The following USP32 variants were observed in gnomAD, a reference collection of about 807,000 sequenced individuals.
The protein encoded by USP32 is ubiquitin specific peptidase 32.
USP32 carries 59 observed loss-of-function variants against 204.8 expected under a neutral mutation model. The observed-to-expected ratio is 0.29, with a 90% CI of 0.23 to 0.36. USP32 has a LOEUF of 0.36. Ranked by LOEUF, USP32 falls within the 10% of genes least tolerant of loss-of-function variation. The pLI is 1.00. For synonymous variants in USP32, 517 were observed against 678.4 expected (o/e 0.76, Z 3.70); for missense variants, 1,160 against 1,946.4 (o/e 0.60, Z 7.60).
rs761770601 is a variant in USP32 at position 60,181,336 on chromosome 17, T to C, written c.4536A>G (p.Leu1512=). The change falls in exon 32 of 34, where the codon CTA becomes CTG. Residue 1512 remains leucine, a synonymous_variant. Transcript: ENST00000300896. ...ATAAACCACTTACCGAAATTGCATA[T>C]AGATTATAAATAGGCTTAATACGAG... ...EDTRIKPIYN[L]YAISCHSGIL... is the part of the protein sequence containing the mutation. The C allele has an allele frequency of 1.9e-6, 3 of 1,609,762 alleles. No individual in the cohort carries two copies. The highest frequency in any genetic ancestry group is 2.2e-5 in the South Asian group (2 of 90,890).
chr17:60,391,981 G>GCCCCCCCCC lies in USP32; in HGVS notation c.-43_-42insGGGGGGGGG. Reference sequence around the variant, plus strand: ...CGGCGGGGGGTCGGAGCCTGATCTCGCCCCCACCCCCCTCCCGCCTTCTCC... The same window carrying GCCCCCCCCC: ...CGGCGGGGGGTCGGAGCCTGATCTCGCCCCCCCCCCCCCCACCCCCCTCCCGCCTTCTCC... On this transcript the variant is annotated 5_prime_UTR_variant, in exon 1 of 34. Transcript: ENST00000300896. The GCCCCCCCCC allele has an allele frequency of 1.9e-6, 3 of 1,585,550 alleles. No individual in the cohort carries two copies. The South Asian group carries it at 3.4e-5, about 18-fold the overall frequency.
At chr17:60,191,528 G>C (rs908738504) in intron 28 of USP32, among the ~76,000 whole-genome samples, 1 of 148,774 alleles carries the variant, frequency 6.7e-6, no homozygotes, top group African/African-American at 2.5e-5. Context: ...TATTTTTCTT[G>C]AGATGGAGCC....
chr17:60,359,915 T>C (rs1295131811), intron 1 of USP32, among the ~76,000 whole-genome samples: 1 of 151,594 alleles, frequency 6.6e-6, no homozygotes, highest in Non-Finnish European at 1.5e-5. Flanking sequence ...TTGCCCAGGC[T>C]GGAGTACAGT....
At chr17:60,312,066 G>A (rs987568291) in intron 2 of USP32, among the ~76,000 whole-genome samples, 1 of 152,172 alleles carries the variant, frequency 6.6e-6, no homozygotes, top group Non-Finnish European at 1.5e-5. Context: ...CCAACTATGT[G>A]GTCTTAAGCA....
At chr17:60,294,403 T>C (rs2087371680) in intron 4 of USP32, among the ~76,000 whole-genome samples, 1 of 152,150 alleles carries the variant, frequency 6.6e-6, no homozygotes, top group South Asian at 2.1e-4. Context: ...TGTGTGTGTG[T>C]GTGTGTATTA....
At chr17:60,294,930 T>C (rs2087388952) in intron 3 of USP32, 129 bp from the exon 4 acceptor site, 1 of 569,688 alleles carries the variant, frequency 1.8e-6, no homozygotes. Context: ...TAAATATAGT[T>C]TATTCCTTAA....
At chr17:60,227,046 A>G (rs1267854343) in intron 12 of USP32, among the ~76,000 whole-genome samples, 1 of 148,396 alleles carries the variant, frequency 6.7e-6, no homozygotes, top group Non-Finnish European at 1.5e-5. Context: ...TCAAAAAAAA[A>G]AAAAAAAAAA....
chr17:60,249,698 GT>G (rs765248219), intron 11 of USP32: 1 of 699,944 alleles, frequency 1.4e-6, no homozygotes, highest in South Asian at 1.5e-5. Flanking sequence ...AGGATTAGTA[GT>G]TCTTGAATAA....
At chr17:60,187,408 T>C (rs1464328598) in intron 29 of USP32, among the ~76,000 whole-genome samples, 1 of 152,230 alleles carries the variant, frequency 6.6e-6, no homozygotes, top group Non-Finnish European at 1.5e-5. Context: ...AGTAACAAGA[T>C]ATTAACTGTC....
rs73324523 is a variant in USP32 at position 60,415,794 on chromosome 17, T to G, written c.106+6452A>C. On this transcript the variant is annotated intron_variant, in intron 1 of 3. Coordinates refer to the USP32 transcript ENST00000588898. ...GGATAATTTGGAGCAAGAACAAAAA[T>G]CCTCTTTTGGTAATTTTAAGATATG... Among the ~76,000 whole-genome samples, 682 of 152,256 alleles carry G rather than the reference T, an allele frequency of 4.5e-3. 5 individuals are homozygous for G. The highest frequency in any genetic ancestry group is 0.014 in the African/African-American group (600 of 41,546).
At chr17:60,352,486 T>TA (rs2088972071) in intron 1 of USP32, among the ~76,000 whole-genome samples, 1 of 152,230 alleles carries the variant, frequency 6.6e-6, no homozygotes, top group Non-Finnish European at 1.5e-5. Context: ...TAAACCCTTA[T>TA]ATCTTATTTA....
chr17:60,287,437 T>A (rs1388320633), intron 5 of USP32, among the ~76,000 whole-genome samples: 1 of 152,190 alleles, frequency 6.6e-6, no homozygotes, highest in Non-Finnish European at 1.5e-5. Context: ...CCCTTGCCTT[T>A]AAAAACCCTT....
At chr17:60,364,704 G>A (rs1221464266) in intron 1 of USP32, among the ~76,000 whole-genome samples, 1 of 152,144 alleles carries the variant, frequency 6.6e-6, no homozygotes. Context: ...TAACATTCAT[G>A]AATTTACAAT....
chr17:60,306,043 T>A (rs1364692469), intron 2 of USP32, among the ~76,000 whole-genome samples: 1 of 151,842 alleles, frequency 6.6e-6, no homozygotes, highest in African/African-American at 2.4e-5. Context: ...GCAGTATGCA[T>A]CTAACACCTC....
intron 28 of USP32, among the ~76,000 whole-genome samples, chr17:60,192,535 A>G (rs1208947160): frequency 4.6e-5 from 7 of 151,982 alleles, no homozygotes; most frequent in African/African-American, 1.7e-4. Context: ...CCTGGGTTCA[A>G]GCGATTCTCC....
chr17:60,289,777 A>G (rs2087222809), intron 4 of USP32, among the ~76,000 whole-genome samples: 1 of 152,112 alleles, frequency 6.6e-6, no homozygotes, highest in Non-Finnish European at 1.5e-5. Flanking sequence ...TTTGATCAGG[A>G]AAAAAAAGAA....
At chr17:60,333,512 G>A (rs1006794831) in intron 2 of USP32, among the ~76,000 whole-genome samples, 3 of 152,050 alleles carry the variant, frequency 2.0e-5, no homozygotes, top group African/African-American at 7.2e-5. Flanking sequence ...AGGCAGGAGA[G>A]TCACTTGAAC....
rs1475106652 is a variant in USP32 at position 60,224,001 on chromosome 17, T to TA, written c.1433-416dup. Among the ~76,000 whole-genome samples, 66 of 152,266 alleles carry TA rather than the reference T, an allele frequency of 4.3e-4. 1 individual carries two copies. Among genetic ancestry groups the TA allele is most frequent in the Admixed American group, 3.9e-4 (6 of 15,292 alleles). On this transcript the variant is annotated intron_variant, in intron 13 of 33. Coordinates refer to ENST00000300896, the MANE Select transcript of USP32 (RefSeq NM_032582.4). ...TGAAGTCACTAAATTAAAAGAAAACTAAAACAAGAACTCCAACAAAAGAGT... is the reference window on the plus strand; with the variant it reads ...TGAAGTCACTAAATTAAAAGAAAACTAAAAACAAGAACTCCAACAAAAGAGT...
chr17:60,419,816 AAATTATTATTATT>A (rs1183749842), intron 1 of USP32, among the ~76,000 whole-genome samples: 2 of 101,692 alleles, frequency 2.0e-5, no homozygotes, highest in Non-Finnish European at 3.7e-5. Flanking sequence ...AGGTTAAAAA[AAATTATTATTATT>A]ATTATTATTA....
Sources: allele counts gnomAD v4.1 joint callset (sites outside exome capture counted in the v4.1 genomes callset), GRCh38; gene constraint gnomAD v4.1.1; transcripts MANE v1.5; gene names NCBI Gene and HGNC (gene_info 2026-07-23, HGNC 2026-07-21).